Variants in MDGA2 observed in about 807,000 individuals in gnomAD.
The protein encoded by MDGA2 is MAM domain containing glycosylphosphatidylinositol anchor 2.
A neutral mutation model predicts 117.8 loss-of-function variants in MDGA2; 40 were observed. That is an observed-to-expected ratio of 0.34 (90% CI 0.26 to 0.44). The LOEUF is 0.44. Among genes scored for constraint, MDGA2 ranks in the 20% least tolerant of loss-of-function variants. MDGA2 has a pLI of 1.00. For synonymous variants in MDGA2, 452 were observed against 439.0 expected, an observed-to-expected ratio of 1.03 and a Z score of -0.37; for missense variants, 1,123 against 1,250.6, an observed-to-expected ratio of 0.90 and a Z score of 1.54.
chr14:46,979,157 T>A (rs1289428953), intron 8 of MDGA2, among the ~76,000 whole-genome samples: 4 of 152,106 alleles, frequency 2.6e-5, no homozygotes, highest in South Asian at 4.1e-4. Context: ...AATAGTAACC[T>A]TTTTTTCAGT....
rs142550505 is a variant in MDGA2 at position 47,514,037 on chromosome 14, A to G, written c.280+160480T>C. Reference sequence around the variant, plus strand: ...AGTGACACCGGAGTGGGGAGTTGAAACTCAGAAGTTGACAACAAAGCCACC... The same window carrying G: ...AGTGACACCGGAGTGGGGAGTTGAAGCTCAGAAGTTGACAACAAAGCCACC... On this transcript the variant is annotated intron_variant, in intron 1 of 16. Coordinates refer to ENST00000399232, the MANE Select transcript of MDGA2 (RefSeq NM_001113498.3). Among the ~76,000 whole-genome samples, 378 of 152,234 alleles carry G rather than the reference A, an allele frequency of 2.5e-3. 1 individual carries two copies. Among genetic ancestry groups the G allele is most frequent in the African/African-American group, 8.8e-3 (365 of 41,554 alleles).
chr14:47,054,386 CAT>C (rs1380485916), intron 7 of MDGA2, among the ~76,000 whole-genome samples: 1 of 151,548 alleles, frequency 6.6e-6, no homozygotes, highest in Non-Finnish European at 1.5e-5. Flanking sequence ...AGGTTTGTTA[CAT>C]ATGTACATGT....
Position 47,380,914 on chromosome 14 carries a change from G to C in MDGA2, c.281-79364C>G, listed in dbSNP as rs550732826. On this transcript the variant is annotated intron_variant, in intron 1 of 16. Transcript: ENST00000399232. ...CCTGGCAGAGACACACAAAAAAAGAGAATTTTAGACCAATATCCCTGATGA... is the reference window on the plus strand; with the variant it reads ...CCTGGCAGAGACACACAAAAAAAGACAATTTTAGACCAATATCCCTGATGA... 3.2e-4 allele frequency among the ~76,000 whole-genome samples: 48 copies of C among 152,142 alleles called. No individual in the cohort carries two copies. In the South Asian group the frequency reaches 9.6e-3, roughly 30 times the overall value.
At chr14:47,371,778 AGG>A (rs1891364599) in intron 1 of MDGA2, among the ~76,000 whole-genome samples, 1 of 151,812 alleles carries the variant, frequency 6.6e-6, no homozygotes, top group African/African-American at 2.4e-5. Context: ...CTAAGTTTCT[AGG>A]TTTATAAATT....
intron 1 of MDGA2, among the ~76,000 whole-genome samples, chr14:47,549,013 G>C (rs1239782846): frequency 6.6e-6 from 1 of 152,024 alleles, no homozygotes; most frequent in Non-Finnish European, 1.5e-5. Context: ...AAAAAACATA[G>C]AACTTGTGAA....
chr14:46,946,301 T>C (rs1470570180), intron 9 of MDGA2, among the ~76,000 whole-genome samples: 1 of 152,050 alleles, frequency 6.6e-6, no homozygotes, highest in Non-Finnish European at 1.5e-5. Flanking sequence ...TATTGCTTGA[T>C]TTTACAGCTG....
At chr14:46,848,739 T>A (rs1413066803) in intron 15 of MDGA2, among the ~76,000 whole-genome samples, 1 of 151,804 alleles carries the variant, frequency 6.6e-6, no homozygotes, top group East Asian at 1.9e-4. Context: ...AAACCATCTG[T>A]AGTAAACATC....
intron 1 of MDGA2, among the ~76,000 whole-genome samples, chr14:47,412,730 C>T (rs181321073): frequency 1.4e-4 from 22 of 152,328 alleles, no homozygotes; most frequent in African/African-American, 5.3e-4. Context: ...CTATCACCAA[C>T]ATCAGCTTCA....
chr14:47,181,312 T>G (rs2139370857), intron 3 of MDGA2, among the ~76,000 whole-genome samples: 1 of 152,194 alleles, frequency 6.6e-6, no homozygotes, highest in South Asian at 2.1e-4. Flanking sequence ...CCACTCCTAT[T>G]TATGAGTGAG....
At chr14:47,125,084 T>C (rs1253457987) in intron 5 of MDGA2, among the ~76,000 whole-genome samples, 1 of 152,122 alleles carries the variant, frequency 6.6e-6, no homozygotes, top group African/African-American at 2.4e-5. Context: ...TAATAAATGA[T>C]TCTCTTGATT....
chr14:47,237,268 A>G (rs972431040), intron 2 of MDGA2, among the ~76,000 whole-genome samples: 4 of 152,196 alleles, frequency 2.6e-5, no homozygotes, highest in African/African-American at 4.8e-5. Flanking sequence ...AAATCACATT[A>G]AGCAAATTGG....
At chr14:47,561,933 TGAG>T (rs1895824594) in intron 1 of MDGA2, among the ~76,000 whole-genome samples, 1 of 152,202 alleles carries the variant, frequency 6.6e-6, no homozygotes, top group Non-Finnish European at 1.5e-5. Context: ...GTTTTTAACA[TGAG>T]GAGATGTTGA....
At chr14:46,994,672 C>T (rs1594506712) in intron 8 of MDGA2, among the ~76,000 whole-genome samples, 1 of 152,174 alleles carries the variant, frequency 6.6e-6, no homozygotes, top group South Asian at 2.1e-4. Flanking sequence ...TCCTCTCATG[C>T]CTCTTGCACT....
At chr14:47,351,217 G>C (rs1199637550) in intron 1 of MDGA2, among the ~76,000 whole-genome samples, 6 of 152,012 alleles carry the variant, frequency 3.9e-5, no homozygotes, top group Non-Finnish European at 8.8e-5. Context: ...GAGTAGCTGG[G>C]ATTACAGGCG....
At chr14:47,660,938 G>GA (rs1420091286) in intron 1 of MDGA2, among the ~76,000 whole-genome samples, 1 of 151,844 alleles carries the variant, frequency 6.6e-6, no homozygotes, top group African/African-American at 2.4e-5. Context: ...ATACTGAAAA[G>GA]AAAAAAGAAT....
chr14:47,484,787 A>G (rs1316495568), intron 1 of MDGA2, among the ~76,000 whole-genome samples: 1 of 152,082 alleles, frequency 6.6e-6, no homozygotes, highest in Non-Finnish European at 1.5e-5. Context: ...GGTTTTAAAA[A>G]CAGGAGTTTC....
chr14:46,985,792 A>T (rs1413479866), intron 8 of MDGA2, among the ~76,000 whole-genome samples: 1 of 152,110 alleles, frequency 6.6e-6, no homozygotes, highest in African/African-American at 2.4e-5. Flanking sequence ...CGGACCTTAC[A>T]TAATTTCAAT....
intron 3 of MDGA2, among the ~76,000 whole-genome samples, chr14:47,168,259 A>G (rs1594687727): frequency 6.8e-6 from 1 of 147,938 alleles, no homozygotes; most frequent in African/African-American, 2.5e-5. Context: ...CTCTTTAACC[A>G]TAGTGACAGG....
chr14:47,254,965 T>C (rs1887568379), intron 2 of MDGA2, among the ~76,000 whole-genome samples: 1 of 152,094 alleles, frequency 6.6e-6, no homozygotes, highest in South Asian at 2.1e-4. Context: ...TAAGATCTTA[T>C]AAGGATTTAC....
Sources: allele counts gnomAD v4.1 joint callset (sites outside exome capture counted in the v4.1 genomes callset), GRCh38; gene constraint gnomAD v4.1.1; transcripts MANE v1.5; gene names NCBI Gene and HGNC (gene_info 2026-07-23, HGNC 2026-07-21).